The following ZNF276 variants were observed in gnomAD, a reference collection of about 807,000 sequenced individuals.
ZNF276 encodes the protein centromere protein Z.
Under a neutral mutation model 63.9 loss-of-function variants are expected in ZNF276, and 59 were observed. The observed-to-expected ratio is 0.92, with a 90% CI of 0.75 to 1.15. The LOEUF (loss-of-function observed/expected upper bound fraction) is 1.15. Among genes scored for constraint, ZNF276 ranks in the 50% most tolerant of loss-of-function variants. The pLI is 0.00. For missense variants in ZNF276, 1,084 were observed against 843.8 expected (o/e 1.28, Z -3.53); for synonymous variants, 496 against 348.4 (o/e 1.42, Z -4.72).
At chr16:89,721,870 G>T in intron 1 of ZNF276, 25 bp downstream of exon 1, 42 of 1,197,724 alleles carry the variant, frequency 3.5e-5, no homozygotes, top group Non-Finnish European at 4.0e-5. Context: ...CGGGCGTGGC[G>T]GGTTGGGGTC....
In ZNF276 at chr16:89,733,331, A is replaced by C; in HGVS notation, c.1199A>C (p.Glu400Ala). 1 of 1,614,156 alleles carries C rather than the reference A, an allele frequency of 6.2e-7. No individual in the cohort carries two copies. The highest frequency in any genetic ancestry group is 8.5e-7 in the Non-Finnish European group (1 of 1,180,044). Reference protein sequence around the residue: ...KVSGKKSESKEAKKSEEPRIR... With the variant: ...KVSGKKSESKAAKKSEEPRIR... ...TCTGGTAAGAAGAGTGAAAGCAAAGAAGCCAAGAAGTCTGAAGAACCAAGA... is the reference window on the plus strand; with the variant it reads ...TCTGGTAAGAAGAGTGAAAGCAAAGCAGCCAAGAAGTCTGAAGAACCAAGA... The change falls in exon 7 of 11, where the codon GAA (glutamate) becomes GCA (alanine). Residue 400 changes from glutamate (E) to alanine (A), a missense_variant. Physicochemically the swap from Glu to Ala is moderately radical, Grantham distance 107. Coordinates refer to ENST00000443381, the MANE Select transcript of ZNF276 (RefSeq NM_001113525.2).
upstream of ZNF276, chr16:89,721,195 C>T (rs1433518357): frequency 4.3e-6 from 1 of 233,298 alleles, no homozygotes; most frequent in African/African-American, 2.3e-5. Context: ...CGGCCCCCCT[C>T]CCCTTTCTGC....
In ZNF276 at chr16:89,739,493, G is replaced by A. The variant is rs1361887747; in HGVS notation, c.*1247G>A. ...GTGGAGGTACCTGTAAAAAGCGAAAGGCAGCAGCCTGGTGTGCTGATCCGG... is the reference window on the plus strand; with the variant it reads ...GTGGAGGTACCTGTAAAAAGCGAAAAGCAGCAGCCTGGTGTGCTGATCCGG... On this transcript the variant is annotated 3_prime_UTR_variant, in exon 11 of 11. Coordinates refer to ENST00000443381, the MANE Select transcript of ZNF276 (RefSeq NM_001113525.2). 1 of 1,551,332 alleles carries A rather than the reference G, an allele frequency of 6.4e-7. No homozygotes were observed. The highest frequency in any genetic ancestry group is 1.2e-5 in the South Asian group (1 of 84,092).
At chr16:89,730,343 C>T (rs1422281788) in intron 6 of ZNF276, among the ~76,000 whole-genome samples, 1 of 152,160 alleles carries the variant, frequency 6.6e-6, no homozygotes, top group African/African-American at 2.4e-5. Context: ...CACTCCGTGA[C>T]CCTCCGGGTT....
intron 5 of ZNF276, 95 bp from the exon 6 acceptor site, chr16:89,729,140 T>TG: frequency 2.1e-6 from 2 of 968,374 alleles, no homozygotes; most frequent in East Asian, 2.4e-5. Context: ...ATGTGGGACA[T>TG]GGGGGTCCAT....
Position 89,739,643 on chromosome 16 carries a change from C to G in ZNF276, c.*1397C>G. On this transcript the variant is annotated 3_prime_UTR_variant, in exon 11 of 11. Coordinates refer to ENST00000443381, the MANE Select transcript of ZNF276 (RefSeq NM_001113525.2). ...ACCCCTGGGGGTCGGGACGTGTACC[C>G]TGGGAGGCCTGGCTGTGGGGATAGT... 1 of 1,511,846 alleles carries G rather than the reference C, an allele frequency of 6.6e-7. No homozygotes were observed. The highest frequency in any genetic ancestry group is 9.0e-7 in the Non-Finnish European group (1 of 1,113,678). The allele number at this position is 1,511,846 out of a possible 1,614,324, so 93.7% of individuals were successfully genotyped here.
Position 89,726,065 on chromosome 16 carries a change from G to T in ZNF276, c.1007-1214G>T, listed in dbSNP as rs569037577. On this transcript the variant is annotated intron_variant, in intron 4 of 10. Transcript: ENST00000443381. ...GAGTCTCACTCTGTCGCCCAGGCTC[G>T]AGTGCAGTGGCACAATCTCGGCTCA... Among the ~76,000 whole-genome samples, 19 of 152,290 alleles carry T rather than the reference G, an allele frequency of 1.2e-4. 1 individual carries two copies. The East Asian group carries it at 3.5e-3, about 28-fold the overall frequency.
upstream of ZNF276, chr16:89,721,527 C>A (rs1376573717): frequency 1.8e-6 from 2 of 1,092,534 alleles, no homozygotes; most frequent in African/African-American, 1.7e-5. Context: ...TCTCGCTCCG[C>A]CCCTCCCCCG....
chr16:89,740,656 C>G lies in ZNF276; in HGVS notation c.*2410C>G. On this transcript the variant is annotated 3_prime_UTR_variant, in exon 11 of 11. Coordinates refer to ENST00000443381, the MANE Select transcript of ZNF276 (RefSeq NM_001113525.2). ...CATCTCAAAAAAAAAAAAAAAAAAC[C>G]CACGGCCTGGGAGTTCTCACTCACA... 1 of 637,762 alleles carries G rather than the reference C, an allele frequency of 1.6e-6. No individual in the cohort carries two copies. The highest frequency in any genetic ancestry group is 3.9e-4 in the Middle Eastern group (1 of 2,588). The allele number at this position is 637,762 out of a possible 1,614,324, so 39.5% of individuals were successfully genotyped here.
At position 89,723,583 on chromosome 16, in the gene ZNF276, C is replaced by G. The variant is rs995531231; in HGVS notation, c.880C>G (p.Pro294Ala). 1 of 1,612,806 alleles carries G rather than the reference C, an allele frequency of 6.2e-7. No individual in the cohort carries two copies. Among genetic ancestry groups the G allele is most frequent in the East Asian group, 2.2e-5 (1 of 44,884 alleles). Residue 294 changes from proline (P) to alanine (A), a missense_variant, in exon 4 of 11, where the codon CCA becomes GCA. Coordinates refer to ENST00000443381, the MANE Select transcript of ZNF276 (RefSeq NM_001113525.2). ...CTCCCAGGGTAGAGGGACAGGGACC[C>G]CAGTTGGGGCTGAGACCAAGACCCT... ...QTSQGRGTGTPVGAETKTLPS... is the reference protein window; with the variant it reads ...QTSQGRGTGTAVGAETKTLPS...
At chr16:89,731,498 C>A (rs562873881) in intron 6 of ZNF276, 1 of 152,388 alleles carries the variant, frequency 6.6e-6, no homozygotes, top group East Asian at 1.9e-4. Flanking sequence ...CATGATCCGC[C>A]CGCCTCAGCC....
Position 89,723,116 on chromosome 16 carries a change from G to A in ZNF276, c.510-21G>A, listed in dbSNP as rs764127330. On this transcript the variant is annotated intron_variant, in intron 2 of 10. Coordinates refer to ENST00000443381, the MANE Select transcript of ZNF276 (RefSeq NM_001113525.2). ...ACCTCCGCCTGCTTGTCCTGCTCAT[G>A]GCCACACTGATCCTTTGCAGGGTCG... is the stretch of plus-strand genomic sequence containing the variant. The A allele has an allele frequency of 2.7e-5, 43 of 1,613,082 alleles. No individual in the cohort carries two copies. Among genetic ancestry groups the A allele is most frequent in the Non-Finnish European group, 2.0e-5 (24 of 1,180,052 alleles).
intron 1 of ZNF276, among the ~76,000 whole-genome samples, 170 bp from the exon 2 acceptor site, chr16:89,722,361 C>A (rs946263462): frequency 3.9e-5 from 6 of 152,362 alleles, no homozygotes; most frequent in African/African-American, 1.4e-4. Context: ...GCGGCCACAT[C>A]CCCCACAGGG....
Position 89,735,619 on chromosome 16 carries a change from C to T in ZNF276, c.1474+1581C>T, listed in dbSNP as rs574658694. ...GGGTGCAGTGGCTCATGCCTGTAATCGCAGCACTTTGGAGGCTAAGGCAGT... is the reference window on the plus strand; with the variant it reads ...GGGTGCAGTGGCTCATGCCTGTAATTGCAGCACTTTGGAGGCTAAGGCAGT... On this transcript the variant is annotated intron_variant, in intron 9 of 10. Coordinates refer to ENST00000443381, the MANE Select transcript of ZNF276 (RefSeq NM_001113525.2). Among the ~76,000 whole-genome samples the T allele has an allele frequency of 9.9e-5, 15 of 152,160 alleles. No homozygotes were observed. The South Asian group carries it at 2.7e-3, about 27-fold the overall frequency.
At chr16:89,728,011 C>G (rs1438653905) in intron 5 of ZNF276, among the ~76,000 whole-genome samples, 1 of 152,162 alleles carries the variant, frequency 6.6e-6, no homozygotes, top group Non-Finnish European at 1.5e-5. Context: ...CCACCCTCTC[C>G]TGTAAACCTT....
intron 9 of ZNF276, among the ~76,000 whole-genome samples, chr16:89,736,886 C>G (rs573589033): frequency 1.9e-4 from 29 of 149,298 alleles, no homozygotes; most frequent in Admixed American, 4.0e-4. Flanking sequence ...GCCTGGGCAA[C>G]AGAGCAAGAC....
rs780438035 is a variant in ZNF276 at position 89,738,820 on chromosome 16, G to C, written c.*574G>C. 107 of 1,613,924 alleles carry C rather than the reference G, an allele frequency of 6.6e-5. No individual in the cohort carries two copies. The highest frequency in any genetic ancestry group is 8.8e-5 in the Non-Finnish European group (104 of 1,180,008). ...GTATTGCCAGCCAGGCAGGCACATGGCCCAGGCAGCTGTCAATTCTCATGT... is the reference window on the plus strand; with the variant it reads ...GTATTGCCAGCCAGGCAGGCACATGCCCCAGGCAGCTGTCAATTCTCATGT... On this transcript the variant is annotated 3_prime_UTR_variant, in exon 11 of 11. Transcript: ENST00000443381.
In ZNF276 at chr16:89,723,600, C is replaced by G. The variant is rs2061375220; in HGVS notation, c.897C>G (p.Thr299=). ...RGTGTPVGAE[T]KTLPSTDVAQ... is the part of the protein sequence containing the mutation. ...CAGGGACCCCAGTTGGGGCTGAGAC[C>G]AAGACCCTGCCCAGCACGGATGTGG... Residue 299 remains threonine (T), a synonymous_variant, in exon 4 of 11, where the codon ACC becomes ACG. Transcript: ENST00000443381. The G allele has an allele frequency of 1.9e-6, 3 of 1,612,684 alleles. No homozygotes were observed. The highest frequency in any genetic ancestry group is 1.7e-6 in the Non-Finnish European group (2 of 1,180,022).
rs367806748 is a variant in ZNF276, at chr16:89,727,130, T to C, written c.1007-149T>C. 3.0e-5 allele frequency: 24 copies of C among 789,716 alleles called. No individual in the cohort carries two copies. In the African/African-American group the frequency reaches 3.9e-4, roughly 13 times the overall value. 48.9% of individuals were successfully genotyped at this position (789,716 alleles called of 1,614,324 possible). ...AGGATCAGAGGCTGCATAGCACCCT[T>C]GGTGGGGATGGGGCCATGGTGGGGA... On this transcript the variant is annotated intron_variant, in intron 4 of 10. Transcript: ENST00000443381.
Sources: gnomAD v4.1 joint callset for allele counts (sites outside exome capture counted in the v4.1 genomes callset) on GRCh38, gnomAD v4.1.1 for gene constraint, MANE v1.5 for transcripts, NCBI Gene and HGNC (gene_info 2026-07-23, HGNC 2026-07-21) for gene names.